The following RIPOR1 variants were observed in gnomAD, a reference collection of about 807,000 sequenced individuals.
RIPOR1 encodes rho family-interacting cell polarization regulator 1.
RIPOR1 carries 58 observed loss-of-function variants against 116.5 expected under a neutral mutation model. The ratio of observed to expected loss-of-function variants is 0.50; its 90% confidence interval spans 0.40 to 0.62. The LOEUF (loss-of-function observed/expected upper bound fraction) is 0.62, where lower values mean the gene tolerates loss of function less well. Ranked by LOEUF, RIPOR1 falls within the 20% of genes least tolerant of loss-of-function variation. The pLI is 0.00. For synonymous variants in RIPOR1, 605 were observed against 650.0 expected (o/e 0.93, Z 1.05); for missense variants, 1,372 against 1,586.2 (o/e 0.86, Z 2.29).
intron 1 of RIPOR1, among the ~76,000 whole-genome samples, chr16:67,536,164 T>C (rs977554275): frequency 3.9e-5 from 6 of 152,020 alleles, no homozygotes; most frequent in South Asian, 2.1e-4. Context: ...AAAGAAGAGA[T>C]AGGCTGGGCG....
Position 67,545,949 on chromosome 16 carries a change from G to A in RIPOR1, c.3388G>A (p.Ala1130Thr), listed in dbSNP as rs764098142. 6.2e-7 allele frequency: 1 copy of A among 1,613,992 alleles called. No individual in the cohort carries two copies. The highest frequency in any genetic ancestry group is 1.1e-5 in the South Asian group (1 of 91,088). ...LSLGPTFRER[A>T]LLCFLDQLED... is the part of the protein sequence containing the mutation. ...AGTCTGTCCTCCCACCCTTCCACAG[G>A]CCCTCCTGTGCTTCCTGGACCAGCT... The change falls in exon 20 of 22, where the codon GCC becomes ACC. Residue 1130 changes from alanine (A) to threonine (T), a missense_variant and splice_region_variant. Around this residue, in one of 3 missense-constraint regions of RIPOR1, gnomAD observed 1,005 missense variants for 1,144.7 expected, o/e 0.88. Transcript: ENST00000042381. The surrounding 1 kb of genome is among the most constrained non-coding windows in gnomAD (Gnocchi z 4.8).
Position 67,543,111 on chromosome 16 carries a change from G to A in RIPOR1, c.2325G>A (p.Gln775=). The change falls in exon 13 of 22, where the codon CAG becomes CAA. Residue 775 remains glutamine (Q), a synonymous_variant. Transcript: ENST00000042381. The surrounding 1 kb of genome is among the most constrained non-coding windows in gnomAD (Gnocchi z 4.7). ...ACCTTTGCCTGGCCATGGCTGTCCA[G>A]ACCCCAGTCCCAACGGCAGCCGGAG... ...HSDLCLAMAV[Q]TPVPTAAGGS... 2 of 1,523,474 alleles carry A rather than the reference G, an allele frequency of 1.3e-6. No homozygotes were observed. Among genetic ancestry groups the A allele is most frequent in the South Asian group, 1.3e-5 (1 of 75,598 alleles). 94.4% of individuals were successfully genotyped at this position (1,523,474 alleles called of 1,614,324 possible).
chr16:67,533,894 A>C (rs1597625686), intron 1 of RIPOR1, among the ~76,000 whole-genome samples: 1 of 131,768 alleles, frequency 7.6e-6, no homozygotes, highest in African/African-American at 2.9e-5. Flanking sequence ...TGCAACCTCC[A>C]CCTCCCGGGT....
chr16:67,545,196 A>C lies in RIPOR1; in HGVS notation c.3031+79A>C. 2 of 1,575,290 alleles carry C rather than the reference A, an allele frequency of 1.3e-6. No homozygotes were observed. Among genetic ancestry groups the C allele is most frequent in the Non-Finnish European group, 1.7e-6 (2 of 1,158,104 alleles). ...GCTCGGGGAAGCCAGGTCAGCCCAC[A>C]CAGATAAACGAACTGGGCACCGAGG... On this transcript the variant is annotated intron_variant, in intron 17 of 21. Transcript: ENST00000042381. This position sits in a 1 kb window ranked among gnomAD's most constrained non-coding sequence, Gnocchi z 4.8.
rs757018751 is a variant in RIPOR1, at chr16:67,540,234, G to T, written c.567+29G>T. ...AGGGATGGGGGCCCATGAGGCAGAG[G>T]CACAGGGTGTGGCAGGGCTAGTGGC... On this transcript the variant is annotated intron_variant, in intron 7 of 21. Transcript: ENST00000042381. The surrounding 1 kb of genome is among the most constrained non-coding windows in gnomAD (Gnocchi z 4.7). The T allele has an allele frequency of 1.9e-6, 3 of 1,613,872 alleles. No individual in the cohort carries two copies. Among genetic ancestry groups the T allele is most frequent in the Non-Finnish European group, 2.5e-6 (3 of 1,179,898 alleles).
At position 67,543,245 on chromosome 16, in the gene RIPOR1, G is replaced by A. The variant is rs138012370; in HGVS notation, c.2459G>A (p.Arg820His). ...ELQGLEQEVT[R>H]LESLLMQRQG... ...CAGGGCCTGGAGCAGGAGGTGACCC[G>A]CCTAGAAAGTCTGCTCATGGTGAGG... The change falls in exon 13 of 22, where the codon CGC (arginine) becomes CAC (histidine). Residue 820 changes from arginine (R) to histidine (H), a missense_variant. Arg to His is a conservative substitution (Grantham distance 29). Transcript: ENST00000042381. The surrounding 1 kb of genome is among the most constrained non-coding windows in gnomAD (Gnocchi z 4.7). The A allele has an allele frequency of 8.9e-5, 141 of 1,593,120 alleles. No individual in the cohort carries two copies. The highest frequency in any genetic ancestry group is 1.0e-4 in the Non-Finnish European group (119 of 1,168,320).
chr16:67,527,691 A>G (rs1426351035), upstream of RIPOR1, among the ~76,000 whole-genome samples: 1 of 152,114 alleles, frequency 6.6e-6, no homozygotes, highest in Non-Finnish European at 1.5e-5. Context: ...CCTGGCTAAC[A>G]TGGTGAAACC....
At chr16:67,525,408 G>A (rs1428656674), upstream of RIPOR1, among the ~76,000 whole-genome samples, 1 of 152,150 alleles carries the variant, frequency 6.6e-6, no homozygotes, top group Non-Finnish European at 1.5e-5. Context: ...ATGAATGAAT[G>A]ATGTGGCCCC....
chr16:67,540,533 G>T lies in RIPOR1; in HGVS notation c.675+32G>T, dbSNP rs374754244. ...GAATGTGCAGGGAAGGGCTGGGTCGGTAGGGTCCCAACACCTAGGCTGCCT... is the reference window on the plus strand; with the variant it reads ...GAATGTGCAGGGAAGGGCTGGGTCGTTAGGGTCCCAACACCTAGGCTGCCT... On this transcript the variant is annotated intron_variant, in intron 9 of 21. Transcript: ENST00000042381. The surrounding 1 kb of genome is among the most constrained non-coding windows in gnomAD (Gnocchi z 4.7). 4 of 1,614,128 alleles carry T rather than the reference G, an allele frequency of 2.5e-6. No homozygotes were observed. Among genetic ancestry groups the T allele is most frequent in the Admixed American group, 1.7e-5 (1 of 60,022 alleles).
chr16:67,537,685 C>T lies in RIPOR1; in HGVS notation c.-23-739C>T. On this transcript the variant is annotated intron_variant, in intron 1 of 21. Transcript: ENST00000042381. The surrounding 1 kb of genome is among the most constrained non-coding windows in gnomAD (Gnocchi z 4.6). ...TGGGGGCCAGGAGTGTGTGTTTCGC[C>T]GAAGCGGGGTGGGGGTCTGCCGAGG... The T allele has an allele frequency of 3.2e-6, 3 of 933,522 alleles. No homozygotes were observed. Among genetic ancestry groups the T allele is most frequent in the Non-Finnish European group, 4.3e-6 (3 of 700,022 alleles). The allele number at this position is 933,522 out of a possible 1,614,324, so 57.8% of individuals were successfully genotyped here.
intron 1 of RIPOR1, among the ~76,000 whole-genome samples, chr16:67,532,241 T>C (rs2050680848): frequency 6.6e-6 from 1 of 152,104 alleles, no homozygotes; most frequent in African/African-American, 2.4e-5. Context: ...TTGTTGTGTG[T>C]TCACAGTTAG....
intron 1 of RIPOR1, among the ~76,000 whole-genome samples, chr16:67,521,302 C>G (rs1036176547): frequency 2.0e-5 from 3 of 152,208 alleles, no homozygotes; most frequent in African/African-American, 7.2e-5. Flanking sequence ...CGGGTTCCGC[C>G]TGGGGATTCT....
Position 67,542,825 on chromosome 16 carries a change from CT to C in RIPOR1, c.2041del (p.Ser681LeufsTer2), listed in dbSNP as rs746440414. On this transcript the variant is annotated frameshift_variant, in exon 13 of 22. Transcript: ENST00000042381. LOFTEE classifies it high-confidence loss of function. The surrounding 1 kb of genome is among the most constrained non-coding windows in gnomAD (Gnocchi z 4.6). ...ATCCTTATAAATGTAAGCCCTTCCA[CT>C]TCTCTAGAACTTGCTACCCTCTCCA... ...SPILINVSPS[T>X]SLELATLSSP... 6.2e-7 allele frequency: 1 copy of C among 1,614,038 alleles called. No homozygotes were observed. The highest frequency in any genetic ancestry group is 2.2e-5 in the East Asian group (1 of 44,880).
exon 1 of RIPOR1, chr16:67,518,553 C>G (rs1213172839): frequency 6.6e-6 from 1 of 152,382 alleles, no homozygotes; most frequent in Non-Finnish European, 1.5e-5. Flanking sequence ...CTTGGGCCCT[C>G]AAGGATCCCA....
chr16:67,524,447 T>C (rs1391175298), upstream of RIPOR1, among the ~76,000 whole-genome samples: 1 of 152,194 alleles, frequency 6.6e-6, no homozygotes, highest in Admixed American at 6.5e-5. Context: ...ACTTGATCTC[T>C]TGGTGACCCA....
At position 67,529,988 on chromosome 16, in the gene RIPOR1, T is replaced by C; in HGVS notation, c.-24+1074T>C. On this transcript the variant is annotated intron_variant, in intron 1 of 21. Transcript: ENST00000042381. This position sits in a 1 kb window ranked among gnomAD's most constrained non-coding sequence, Gnocchi z 4.1. ...GAGGAATGATAATTGGGGGCTGAGG[T>C]ACAAAATACTCCAGCGGGACAAGGA... The C allele has an allele frequency of 1.4e-6, 1 of 706,220 alleles. No homozygotes were observed. Among genetic ancestry groups the C allele is most frequent in the Non-Finnish European group, 2.5e-6 (1 of 395,754 alleles). 43.7% of individuals were successfully genotyped at this position (706,220 alleles called of 1,614,324 possible).
chr16:67,528,068 G>A (rs946553018), upstream of RIPOR1, among the ~76,000 whole-genome samples: 3 of 151,990 alleles, frequency 2.0e-5, no homozygotes, highest in African/African-American at 7.3e-5. Flanking sequence ...AAGGGCCAGG[G>A]GTGTCTGATT....
rs1377479639 is a variant in RIPOR1 at position 67,539,834 on chromosome 16, C to T, written c.361-12C>T. 2 of 1,614,168 alleles carry T rather than the reference C, an allele frequency of 1.2e-6. No individual in the cohort carries two copies. The highest frequency in any genetic ancestry group is 3.3e-5 in the Admixed American group (2 of 60,020). On this transcript the variant is annotated splice_polypyrimidine_tract_variant and intron_variant, in intron 5 of 21. Coordinates refer to ENST00000042381, the MANE Select transcript of RIPOR1 (RefSeq NM_024519.4). ...TGGGCCTCAGGCCCCTCCTGACCCA[C>T]CTCTCCCCCAGCAAGTCAAGTCCAT...
rs1286979612 is a variant in RIPOR1 at position 67,542,414 on chromosome 16, GC to G, written c.1632del (p.Thr545LeufsTer34). The G allele has an allele frequency of 6.2e-7, 1 of 1,613,556 alleles. No individual in the cohort carries two copies. Among genetic ancestry groups the G allele is most frequent in the Non-Finnish European group, 8.5e-7 (1 of 1,179,894 alleles). On this transcript the variant is annotated frameshift_variant, in exon 13 of 22. Coordinates refer to ENST00000042381, the MANE Select transcript of RIPOR1 (RefSeq NM_024519.4). LOFTEE classifies it high-confidence loss of function. The surrounding 1 kb of genome is among the most constrained non-coding windows in gnomAD (Gnocchi z 4.6). ...GACTCTGGCCCTTCAGAACTGCCAG[GC>G]CCCACTCACACCACTACAGGCTCTA... ...STDSGPSELP[G>X]PTHTTTGSTY...
Sources: gnomAD v4.1 joint callset for allele counts (sites outside exome capture counted in the v4.1 genomes callset) on GRCh38, gnomAD v4.1.1 for gene constraint, gnomAD v4.1.1 regional missense constraint, Gnocchi (gnomAD v3.1) non-coding constraint, MANE v1.5 for transcripts, NCBI Gene and HGNC (gene_info 2026-07-23, HGNC 2026-07-21) for gene names.